Variants in SYNPO observed in about 807,000 individuals in gnomAD.
SYNPO encodes the protein synaptopodin.
In SYNPO, 19 loss-of-function variants were observed where a neutral mutation model predicts 49.5. That is an observed-to-expected ratio of 0.38 (90% CI 0.27 to 0.56). The LOEUF (loss-of-function observed/expected upper bound fraction) is 0.56. SYNPO is among the 20% of genes least tolerant of loss of function. The pLI is 0.68. For missense variants in SYNPO, 1,131 were observed against 1,248.3 expected (o/e 0.91, Z 1.42); for synonymous variants, 536 against 548.0 (o/e 0.98, Z 0.31).
At chr5:150,611,959 T>C (rs1756859741) in intron 1 of SYNPO, among the ~76,000 whole-genome samples, 1 of 152,176 alleles carries the variant, frequency 6.6e-6, no homozygotes, top group African/African-American at 2.4e-5. Context: ...CAGAGCAAGG[T>C]AATGGAAAAT....
In SYNPO at chr5:150,656,540, T is replaced by TGCCGCC; in HGVS notation, c.2169_2174dup (p.Pro726_Pro727dup). On this transcript the variant is annotated inframe_insertion, in exon 3 of 3. Coordinates refer to ENST00000307662, the MANE Select transcript of SYNPO (RefSeq NM_007286.6). ...AGCAGCATGAGCAGCCCCCCGCCGC[T>TGCCGCC]GCCGCCGCCACCGCCCATGTCTCCC... The TGCCGCC allele has an allele frequency of 6.5e-7, 1 of 1,527,400 alleles. No homozygotes were observed. Among genetic ancestry groups the TGCCGCC allele is most frequent in the Non-Finnish European group, 8.7e-7 (1 of 1,143,754 alleles). The allele number at this position is 1,527,400 out of a possible 1,614,324, so 94.6% of individuals were successfully genotyped here. A position where few individuals can be genotyped will look rare whatever the true frequency, so the allele number is the denominator to read the frequency against.
At chr5:150,607,647 C>T (rs896181894) in intron 1 of SYNPO, among the ~76,000 whole-genome samples, 7 of 152,140 alleles carry the variant, frequency 4.6e-5, no homozygotes, top group Non-Finnish European at 8.8e-5. Context: ...ACAGCTGGTA[C>T]GTGGCAGAAT....
intron 1 of SYNPO, among the ~76,000 whole-genome samples, chr5:150,641,526 T>C (rs1757907359): frequency 6.6e-6 from 1 of 152,012 alleles, no homozygotes. Context: ...GACCTTCTGC[T>C]CTGGCCTCCC....
chr5:150,601,516 C>T (rs1197240874), intron 1 of SYNPO, among the ~76,000 whole-genome samples: 2 of 152,180 alleles, frequency 1.3e-5, no homozygotes, highest in East Asian at 3.9e-4. Context: ...CATTTGCATC[C>T]GTACAAGTGA....
At chr5:150,600,591 T>C (rs1356018394), upstream of SYNPO, among the ~76,000 whole-genome samples, 1 of 152,132 alleles carries the variant, frequency 6.6e-6, no homozygotes, top group African/African-American at 2.4e-5. Context: ...CACTCAGGGA[T>C]CTGGCTGGGG....
chr5:150,618,443 C>A, exon 2 of SYNPO: 1 of 1,551,676 alleles, frequency 6.4e-7, no homozygotes, highest in Non-Finnish European at 8.7e-7. Context: ...CTTCCAGATC[C>A]CTGATGGAAG....
chr5:150,608,877 C>T (rs1487953759), intron 1 of SYNPO, among the ~76,000 whole-genome samples: 7 of 152,168 alleles, frequency 4.6e-5, no homozygotes, highest in South Asian at 2.1e-4. Context: ...GCACCAGCTC[C>T]GGTAGCCCTC....
chr5:150,623,125 A>G (rs1757233489), intron 2 of SYNPO, among the ~76,000 whole-genome samples: 1 of 152,214 alleles, frequency 6.6e-6, no homozygotes, highest in South Asian at 2.1e-4. Flanking sequence ...CTGAAAACAT[A>G]TAAGCAGACA....
At chr5:150,595,618 C>A in the SYNPO span, among the ~76,000 whole-genome samples, 1 of 152,180 alleles carries the variant, frequency 6.6e-6, no homozygotes, top group South Asian at 2.1e-4. Flanking sequence ...GATAAGAGAC[C>A]CACAATGTCA....
At chr5:150,594,602 A>G in the SYNPO span, among the ~76,000 whole-genome samples, 4 of 152,288 alleles carry the variant, frequency 2.6e-5, no homozygotes, top group Admixed American at 6.5e-5. Context: ...AAGAAGAAGG[A>G]ATTGCACAGA....
At chr5:150,633,193 C>T (rs906034301) in intron 2 of SYNPO, among the ~76,000 whole-genome samples, 1 of 152,176 alleles carries the variant, frequency 6.6e-6, no homozygotes, top group African/African-American at 2.4e-5. Context: ...AGCCAGAGAG[C>T]TAATGTGCAG....
chr5:150,644,704 G>A (rs888763185), intron 1 of SYNPO, among the ~76,000 whole-genome samples: 4 of 152,230 alleles, frequency 2.6e-5, no homozygotes, highest in Non-Finnish European at 5.9e-5. Context: ...TTCAGGCCAG[G>A]AGGCCTGGTT....
chr5:150,596,049 G>A, the SYNPO span, among the ~76,000 whole-genome samples: 2 of 152,214 alleles, frequency 1.3e-5, no homozygotes, highest in African/African-American at 4.8e-5. Context: ...TTACAGGCTT[G>A]CCCCTAGAAT....
intron 1 of SYNPO, among the ~76,000 whole-genome samples, chr5:150,646,618 G>A (rs1032657749): frequency 3.9e-5 from 6 of 152,042 alleles, no homozygotes; most frequent in African/African-American, 1.4e-4. Context: ...CCAGCTACTT[G>A]GGGAGCTGAG....
the SYNPO span, among the ~76,000 whole-genome samples, chr5:150,589,296 T>C: frequency 6.6e-6 from 1 of 152,134 alleles, no homozygotes; most frequent in Admixed American, 6.5e-5. Flanking sequence ...ACTCCTGACC[T>C]CAAGTGATCC....
chr5:150,601,468 C>T (rs1312330940), intron 1 of SYNPO, among the ~76,000 whole-genome samples: 2 of 152,076 alleles, frequency 1.3e-5, no homozygotes, highest in Non-Finnish European at 2.9e-5. Context: ...ACCATGTGCC[C>T]CAGGGTGGGT....
chr5:150,624,824 G>C, intron 2 of SYNPO: 1 of 982,178 alleles, frequency 1.0e-6, no homozygotes. Flanking sequence ...CGGGGACCTC[G>C]GGGCGGGGCG....
At chr5:150,605,643 GAA>G (rs1581447467) in intron 1 of SYNPO, among the ~76,000 whole-genome samples, 1 of 152,180 alleles carries the variant, frequency 6.6e-6, no homozygotes, top group East Asian at 1.9e-4. Flanking sequence ...AGAGTCAGGA[GAA>G]AAGCCTGGAG....
exon 2 of SYNPO, chr5:150,618,743 G>A: frequency 1.3e-6 from 2 of 1,551,080 alleles, no homozygotes; most frequent in Non-Finnish European, 1.7e-6. Context: ...CCCTGGCCCT[G>A]GGCCCAGAGT....
Sources: allele counts gnomAD v4.1 joint callset (sites outside exome capture counted in the v4.1 genomes callset), GRCh38; gene constraint gnomAD v4.1.1; transcripts MANE v1.5; gene names NCBI Gene and HGNC (gene_info 2026-07-23, HGNC 2026-07-21).